LARP4B: variants seen among roughly 807,000 people sequenced by gnomAD.
The protein encoded by LARP4B is la-related protein 4B.
In LARP4B, 12 loss-of-function variants were observed where a neutral mutation model predicts 89.8. The ratio of observed to expected loss-of-function variants is 0.13; its 90% CI spans 0.09 to 0.22. The LOEUF (loss-of-function observed/expected upper bound fraction) is 0.22, where lower values mean the gene tolerates loss of function less well. LARP4B is among the 10% of genes least tolerant of loss of function. LARP4B has a pLI of 1.00. For missense variants in LARP4B, 757 were observed against 947.7 expected, an observed-to-expected ratio of 0.80 and a Z score of 2.64; for synonymous variants, 367 against 363.3, an observed-to-expected ratio of 1.01 and a Z score of -0.12.
At chr10:887,169 G>A (rs1835882317) in intron 1 of LARP4B, among the ~76,000 whole-genome samples, 1 of 152,082 alleles carries the variant, frequency 6.6e-6, no homozygotes, top group Admixed American at 6.6e-5. Context: ...CAATGTCAAA[G>A]GGTACCAAGT....
intron 1 of LARP4B, among the ~76,000 whole-genome samples, chr10:908,940 A>T (rs974911188): frequency 6.6e-6 from 1 of 152,106 alleles, no homozygotes; most frequent in Non-Finnish European, 1.5e-5. Flanking sequence ...AGATAGCACA[A>T]TGCCTGGCAC....
At chr10:872,339 G>A (rs1835254963) in intron 3 of LARP4B, among the ~76,000 whole-genome samples, 1 of 152,174 alleles carries the variant, frequency 6.6e-6, no homozygotes, top group African/African-American at 2.4e-5. Context: ...CCGTGGCTCT[G>A]GCTCGCCCGC....
chr10:910,510 TG>T (rs1358597481), intron 1 of LARP4B, among the ~76,000 whole-genome samples: 1 of 152,242 alleles, frequency 6.6e-6, no homozygotes, highest in Non-Finnish European at 1.5e-5. Context: ...CTCCTGAAAT[TG>T]GAACTCCCAT....
At chr10:917,283 C>T (rs1479894994) in intron 1 of LARP4B, among the ~76,000 whole-genome samples, 1 of 152,156 alleles carries the variant, frequency 6.6e-6, no homozygotes, top group Non-Finnish European at 1.5e-5. Context: ...ATGGGTAAAA[C>T]ATAACTTTAT....
intron 3 of LARP4B, among the ~76,000 whole-genome samples, chr10:877,057 G>A (rs982766187): frequency 6.6e-6 from 1 of 152,188 alleles, no homozygotes; most frequent in Non-Finnish European, 1.5e-5. Flanking sequence ...GCAGAGGTCC[G>A]AGGCGGCTCT....
the LARP4B span, among the ~76,000 whole-genome samples, chr10:969,871 C>T: frequency 2.6e-5 from 4 of 152,298 alleles, no homozygotes; most frequent in East Asian, 3.9e-4. Context: ...GACGGGAGTT[C>T]GTGACCTGCA....
In LARP4B at chr10:813,231, T is replaced by G. The variant is rs945984985; in HGVS notation, c.1930-18A>C. On this transcript the variant is annotated intron_variant, in intron 17 of 17. Transcript: ENST00000316157. ...CGCAATTCCTGGAAACAGACAATCC[T>G]GGGTTACCTGTGTGAAATGGTGTCT... 2 of 1,586,242 alleles carry G rather than the reference T, an allele frequency of 1.3e-6. No individual in the cohort carries two copies. Among genetic ancestry groups the G allele is most frequent in the African/African-American group, 2.7e-5 (2 of 73,264 alleles).
rs1346102953 is a variant in LARP4B at position 810,950 on chromosome 10, G to T, written c.*1976C>A. 2.0e-5 allele frequency: 3 copies of T among 152,226 alleles called. No homozygotes were observed. Among genetic ancestry groups the T allele is most frequent in the Non-Finnish European group, 4.4e-5 (3 of 68,042 alleles). The allele number at this position is 152,226 out of a possible 1,614,324, so 9.4% of individuals were successfully genotyped here. A position where few individuals can be genotyped will look rare whatever the true frequency, so the allele number is the denominator to read the frequency against. On this transcript the variant is annotated 3_prime_UTR_variant, in exon 18 of 18. Transcript: ENST00000316157. The stretch of plus-strand genomic sequence containing the variant: ...AATAGGCATGTTTTCCTCTGGCAGG[G>T]TCAATCATGCTTAGCTGCAGGTGAT...
chr10:880,525 A>C (rs1443381691), intron 3 of LARP4B, among the ~76,000 whole-genome samples: 1 of 152,116 alleles, frequency 6.6e-6, no homozygotes, highest in Non-Finnish European at 1.5e-5. Context: ...ATCTCTACGA[A>C]AAATACAAAA....
In LARP4B at chr10:832,126, C is replaced by A. The variant is rs532866124; in HGVS notation, c.751-1149G>T. Among the ~76,000 whole-genome samples the A allele has an allele frequency of 2.6e-5, 4 of 152,364 alleles. No individual in the cohort carries two copies. The South Asian group carries it at 8.3e-4, about 32-fold the overall frequency. On this transcript the variant is annotated intron_variant, in intron 8 of 17. Coordinates refer to ENST00000316157, the MANE Select transcript of LARP4B (RefSeq NM_015155.3). ...TGGCGCTATCTCGGCTCACTGCAAG[C>A]TCTGCCTCCCGGGTTCACGCCATTC...
chr10:831,580 AC>A (rs982896867), intron 8 of LARP4B, among the ~76,000 whole-genome samples: 1 of 152,168 alleles, frequency 6.6e-6, no homozygotes, highest in African/African-American at 2.4e-5. Flanking sequence ...ATGAGAGGGA[AC>A]AAGCCCAGGG....
At chr10:844,335 G>A (rs1172876959) in intron 6 of LARP4B, among the ~76,000 whole-genome samples, 3 of 152,212 alleles carry the variant, frequency 2.0e-5, no homozygotes, top group African/African-American at 7.2e-5. Flanking sequence ...GGCATGGGGA[G>A]GAGGCCAGCA....
intron 3 of LARP4B, among the ~76,000 whole-genome samples, chr10:867,858 C>T (rs1834989016): frequency 7.4e-6 from 1 of 135,520 alleles, no homozygotes; most frequent in Non-Finnish European, 1.5e-5. Flanking sequence ...AAGACTCCAT[C>T]CTTGAAAAAA....
At chr10:960,846 G>A in the LARP4B span, among the ~76,000 whole-genome samples, 3 of 151,836 alleles carry the variant, frequency 2.0e-5, no homozygotes, top group Non-Finnish European at 2.9e-5. Flanking sequence ...TGGCATGTAA[G>A]GAGCTGGGAT....
chr10:810,975 TTTAAA>T lies in LARP4B; in HGVS notation c.*1946_*1950del, dbSNP rs1446506185. Reference sequence around the variant, plus strand: ...GTCAATCATGCTTAGCTGCAGGTGATTTAAATTAGATTACTAGTCACCTTCACTTA... The same window carrying T: ...GTCAATCATGCTTAGCTGCAGGTGATTTAGATTACTAGTCACCTTCACTTA... On this transcript the variant is annotated 3_prime_UTR_variant, in exon 18 of 18. Transcript: ENST00000316157. 1 of 152,236 alleles carries T rather than the reference TTTAAA, an allele frequency of 6.6e-6. No individual in the cohort carries two copies. Among genetic ancestry groups the T allele is most frequent in the African/African-American group, 2.4e-5 (1 of 41,460 alleles). The allele number at this position is 152,236 out of a possible 1,614,324, so 9.4% of individuals were successfully genotyped here. A position where few individuals can be genotyped will look rare whatever the true frequency, so the allele number is the denominator to read the frequency against.
chr10:920,184 G>C (rs1401229385), intron 1 of LARP4B, among the ~76,000 whole-genome samples: 1 of 152,224 alleles, frequency 6.6e-6, no homozygotes, highest in Non-Finnish European at 1.5e-5. Flanking sequence ...TGCAATTACA[G>C]TGCAACGGGA....
At chr10:900,936 T>TTTTTGG (rs1836325790) in intron 1 of LARP4B, among the ~76,000 whole-genome samples, 1 of 129,434 alleles carries the variant, frequency 7.7e-6, no homozygotes, top group Non-Finnish European at 1.6e-5. Flanking sequence ...TTTTTTTTTT[T>TTTTTGG]GAGACGGAGT....
the LARP4B span, among the ~76,000 whole-genome samples, chr10:956,266 G>A: frequency 6.6e-6 from 1 of 152,130 alleles, no homozygotes; most frequent in African/African-American, 2.4e-5. The surrounding 1 kb of genome is among the most constrained non-coding windows in gnomAD (Gnocchi z 4.3). Context: ...ATGGGAGTAC[G>A]TATGAGCCCC....
intron 7 of LARP4B, among the ~76,000 whole-genome samples, chr10:837,450 CT>C (rs1252009200): frequency 2.0e-5 from 3 of 152,178 alleles, no homozygotes; most frequent in Non-Finnish European, 2.9e-5. Flanking sequence ...ACCAACAGGA[CT>C]TTTTGAAAAA....
Sources: gnomAD v4.1 joint callset for allele counts (sites outside exome capture counted in the v4.1 genomes callset) on GRCh38, gnomAD v4.1.1 for gene constraint, Gnocchi (gnomAD v3.1) non-coding constraint, MANE v1.5 for transcripts, NCBI Gene and HGNC (gene_info 2026-07-23, HGNC 2026-07-21) for gene names.